The following DOCK6 variants were observed in gnomAD, a reference collection of about 807,000 sequenced individuals.
DOCK6 encodes the protein dedicator of cytokinesis protein 6.
A neutral mutation model predicts 230.3 loss-of-function variants in DOCK6; 167 were observed. The observed-to-expected ratio is 0.73, with a 90% CI of 0.64 to 0.82. DOCK6 has a LOEUF of 0.82. Among genes scored for constraint, DOCK6 ranks in the 40% least tolerant of loss-of-function variants. The pLI is 0.00. For synonymous variants in DOCK6, 1,148 were observed against 1,185.0 expected, an observed-to-expected ratio of 0.97 and a Z score of 0.64; for missense variants, 2,598 against 2,825.8, an observed-to-expected ratio of 0.92 and a Z score of 1.83.
rs2079397189 is a variant in DOCK6, at chr19:11,212,102, A to C, written c.4541T>G (p.Val1514Gly). Residue 1514 changes from valine (V) to glycine (G), a missense_variant, in exon 36 of 48, where the codon GTG (valine) becomes GGG (glycine). Val to Gly is a moderately radical substitution (Grantham distance 109, BLOSUM62 -3). Transcript: ENST00000294618. ...MQVTMSLSSL[V>G]GTTQNFSEEH... ...TTCACTGAAGTTCTGCGTCGTCCCC[A>C]CCAGGGACGAGAGAGACATGGTGAC... The C allele has an allele frequency of 6.2e-7, 1 of 1,612,006 alleles. No individual in the cohort carries two copies. The highest frequency in any genetic ancestry group is 8.5e-7 in the Non-Finnish European group (1 of 1,179,594).
Position 11,222,067 on chromosome 19 carries a change from A to T in DOCK6, c.3380+42T>A, listed in dbSNP as rs1401919702. On this transcript the variant is annotated intron_variant, in intron 27 of 47. Transcript: ENST00000294618. This position sits in a 1 kb window ranked among gnomAD's most constrained non-coding sequence, Gnocchi z 4.0. ...AGGACAGGGTGGACATGGCTCCTGG[A>T]CTGTCCCACCTGTCCTGGGGCTAGA... The T allele has an allele frequency of 6.2e-7, 1 of 1,607,118 alleles. No homozygotes were observed. The highest frequency in any genetic ancestry group is 2.2e-5 in the East Asian group (1 of 44,682).
At position 11,221,950 on chromosome 19, in the gene DOCK6, G is replaced by A. The variant is rs201867762; in HGVS notation, c.3451C>T (p.Arg1151Cys). 37 of 1,613,852 alleles carry A rather than the reference G, an allele frequency of 2.3e-5. No individual in the cohort carries two copies. The highest frequency in any genetic ancestry group is 8.8e-5 in the South Asian group (8 of 91,082). Reference sequence around the variant, plus strand: ...GCCTTCACAGTGGCCTCGGCGTAGCGGGGGTCAGTGTCATGGCCACATAGC... The same window carrying A: ...GCCTTCACAGTGGCCTCGGCGTAGCAGGGGTCAGTGTCATGGCCACATAGC... The part of the protein sequence containing the change: ...SLLCGHDTDP[R>C]YAEATVKARV... The change falls in exon 28 of 48, where the codon CGC (arginine) becomes TGC (cysteine). Residue 1151 changes from arginine to cysteine, a missense_variant. Transcript: ENST00000294618.
At position 11,232,862 on chromosome 19, in the gene DOCK6, G is replaced by A. The variant is rs532518699; in HGVS notation, c.2718+341C>T. On this transcript the variant is annotated intron_variant, in intron 22 of 47. Transcript: ENST00000294618. ...TGAATGTGTATATGCACCTGTGTAT[G>A]TATATGCATGGGGGGTGAATGTGTA... 2.1e-4 allele frequency among the ~76,000 whole-genome samples: 31 copies of A among 148,484 alleles called. 1 individual carries two copies. In the South Asian group the frequency reaches 5.8e-3, roughly 28 times the overall value.
intron 39 of DOCK6, 139 bp downstream of exon 39, chr19:11,208,547 G>A (rs1202410133): frequency 8.0e-7 from 1 of 1,247,698 alleles, no homozygotes; most frequent in African/African-American, 1.5e-5. Flanking sequence ...CCAAAGTGCT[G>A]GGGTTACAGG....
rs2147881387 is a variant in DOCK6, at chr19:11,253,711, C to T, written c.60G>A (p.Glu20=). ...GTTCCCGGGACACCTGCTTCCGCAC[C>T]TCTGCGGCCACCGTCCTGGAAAGAT... ...AHKINRTVAA[E]VRKQVSRERS... The change falls in exon 2 of 48, where the codon GAG becomes GAA. Residue 20 remains glutamate, a synonymous_variant. Coordinates refer to ENST00000294618, the MANE Select transcript of DOCK6 (RefSeq NM_020812.4). The T allele has an allele frequency of 1.4e-6, 2 of 1,473,868 alleles. No homozygotes were observed. The highest frequency in any genetic ancestry group is 3.0e-5 in the Admixed American group (1 of 33,048). The allele number at this position is 1,473,868 out of a possible 1,614,324, so 91.3% of individuals were successfully genotyped here.
In DOCK6 at chr19:11,232,139, T is replaced by C. The variant is rs1220872116; in HGVS notation, c.2718+1064A>G. The C allele has an allele frequency of 4.0e-6, 5 of 1,258,884 alleles. No homozygotes were observed. In the Admixed American group the frequency reaches 1.2e-4, roughly 30 times the overall value. The allele number at this position is 1,258,884 out of a possible 1,614,324, so 78.0% of individuals were successfully genotyped here. On this transcript the variant is annotated intron_variant, in intron 22 of 47. Transcript: ENST00000294618. ...CAGCCAGGAAGGTGGGAGGAGCTCATGCTGAGGTGGTGTCACATGAGTGCA... is the reference window on the plus strand; with the variant it reads ...CAGCCAGGAAGGTGGGAGGAGCTCACGCTGAGGTGGTGTCACATGAGTGCA...
intron 28 of DOCK6, 101 bp from the exon 29 acceptor site, chr19:11,217,492 C>T (rs2079511578): frequency 3.4e-6 from 5 of 1,457,140 alleles, no homozygotes; most frequent in Middle Eastern, 2.1e-4. Context: ...CACAGTGGCT[C>T]ACGCCTGTAA....
Position 11,213,227 on chromosome 19 carries a change from G to T in DOCK6, c.4440C>A (p.His1480Gln), listed in dbSNP as rs776069062. The T allele has an allele frequency of 6.2e-7, 1 of 1,613,100 alleles. No individual in the cohort carries two copies. Among genetic ancestry groups the T allele is most frequent in the Non-Finnish European group, 8.5e-7 (1 of 1,179,866 alleles). Residue 1480 changes from histidine to glutamine, a missense_variant, in exon 35 of 48, where the codon CAC (histidine) becomes CAA (glutamine). By Grantham distance (24) the His-to-Gln change is conservative. Transcript: ENST00000294618. ...TGAGCAGGTACAGCGAGGCGCTGGCGTGCGTGCGGATGGTGCTGATGCGGC... is the reference window on the plus strand; with the variant it reads ...TGAGCAGGTACAGCGAGGCGCTGGCTTGCGTGCGGATGGTGCTGATGCGGC... ...CGSRISTIRT[H>Q]ASASLYLLMR...
At chr19:11,216,114 G>A (rs2079482968) in intron 30 of DOCK6, 187 bp from the exon 31 acceptor site, 1 of 547,324 alleles carries the variant, frequency 1.8e-6, no homozygotes, top group Non-Finnish European at 3.0e-6. Flanking sequence ...TTGAAACAGA[G>A]TCTCTCTCAT....
rs200085841 is a variant in DOCK6, at chr19:11,252,988, A to G, written c.133-30T>C. ...ATTGGAGCAAAGTGGCTGTGATCGC[A>G]CTACCTAGGAGGCTGAGAGTGGGGG... is the stretch of plus-strand genomic sequence containing the variant. On this transcript the variant is annotated intron_variant, in intron 2 of 47. Coordinates refer to ENST00000294618, the MANE Select transcript of DOCK6 (RefSeq NM_020812.4). 2.2e-4 allele frequency: 351 copies of G among 1,579,388 alleles called. No homozygotes were observed. In the East Asian group the frequency reaches 7.0e-3, roughly 32 times the overall value.
chr19:11,207,351 C>T (rs1365499966), intron 39 of DOCK6, among the ~76,000 whole-genome samples: 1 of 152,020 alleles, frequency 6.6e-6, no homozygotes, highest in Non-Finnish European at 1.5e-5. Flanking sequence ...CATGCCACCA[C>T]ACCCAGCTAA....
chr19:11,202,858 T>C lies in DOCK6; in HGVS notation c.5236-149A>G, dbSNP rs557809528. On this transcript the variant is annotated intron_variant, in intron 41 of 47. Coordinates refer to ENST00000294618, the MANE Select transcript of DOCK6 (RefSeq NM_020812.4). This position sits in a 1 kb window ranked among gnomAD's most constrained non-coding sequence, Gnocchi z 5.3. The stretch of plus-strand genomic sequence containing the variant: ...GCACAGGCAGGGGGCCCTGAGAACA[T>C]TGGGGCATGGATTGCAATAGGAAGT... 68 of 1,302,700 alleles carry C rather than the reference T, an allele frequency of 5.2e-5. No individual in the cohort carries two copies. Among genetic ancestry groups the C allele is most frequent in the Admixed American group, 1.8e-4 (10 of 54,454 alleles). 80.7% of individuals were successfully genotyped at this position (1,302,700 alleles called of 1,614,324 possible).
rs202203299 is a variant in DOCK6, at chr19:11,245,922, G to A, written c.807-44C>T. 321 of 1,549,172 alleles carry A rather than the reference G, an allele frequency of 2.1e-4. 4 individuals carry two copies. The East Asian group carries it at 5.3e-3, about 25-fold the overall frequency. On this transcript the variant is annotated intron_variant, in intron 7 of 47. Coordinates refer to ENST00000294618, the MANE Select transcript of DOCK6 (RefSeq NM_020812.4). ...GAGGGGGCTCTCCTTAACACTTCCC[G>A]CTGTCCACACACCCCACTCCCTCTT...
rs561540328 is a variant in DOCK6, at chr19:11,259,918, C to T, written c.44+2479G>A. On this transcript the variant is annotated intron_variant, in intron 1 of 47. Coordinates refer to ENST00000294618, the MANE Select transcript of DOCK6 (RefSeq NM_020812.4). ...TTTTTTTTTGAGACAGAGTCTTACT[C>T]TGTCACCCAGGCTGGAGTGCAGTGG... is the stretch of plus-strand genomic sequence containing the variant. Among the ~76,000 whole-genome samples, 40 of 113,156 alleles carry T rather than the reference C, an allele frequency of 3.5e-4. 1 individual carries two copies. In the East Asian group the frequency reaches 8.5e-3, roughly 24 times the overall value. 74.2% of individuals were successfully genotyped at this position (113,156 alleles called of 152,430 possible).
chr19:11,246,233 A>C (rs1489025802), intron 7 of DOCK6, among the ~76,000 whole-genome samples: 1 of 151,224 alleles, frequency 6.6e-6, no homozygotes, highest in East Asian at 1.9e-4. Context: ...TGCCCAGCTA[A>C]TTTTTTGTGT....
At chr19:11,204,460 C>T (rs2147707327) in intron 39 of DOCK6, 129 bp from the exon 40 acceptor site, 3 of 1,288,524 alleles carry the variant, frequency 2.3e-6, no homozygotes, top group Non-Finnish European at 2.1e-6. Context: ...GGAAGCCCAC[C>T]CTGACCACCC....
intron 7 of DOCK6, 104 bp from the exon 8 acceptor site, chr19:11,245,982 G>T: frequency 7.6e-7 from 1 of 1,311,084 alleles, no homozygotes. Context: ...ACTCCCACTG[G>T]GCCACATGGA....
chr19:11,245,451 A>T, intron 9 of DOCK6, 112 bp downstream of exon 9: 2 of 1,202,372 alleles, frequency 1.7e-6, no homozygotes, highest in Non-Finnish European at 2.4e-6. Flanking sequence ...TGTTTCCCCC[A>T]CAACAGCCCT....
At chr19:11,260,896 G>GAAAAAAAAAAA (rs2080276084) in intron 1 of DOCK6, among the ~76,000 whole-genome samples, 5 of 50,584 alleles carry the variant, frequency 9.9e-5, no homozygotes, top group East Asian at 8.2e-4. Context: ...AAAAAAAAAA[G>GAAAAAAAAAAA]AAAGAAAGAA....
Sources: allele counts gnomAD v4.1 joint callset (sites outside exome capture counted in the v4.1 genomes callset), GRCh38; gene constraint gnomAD v4.1.1; non-coding constraint Gnocchi (gnomAD v3.1); transcripts MANE v1.5; gene names NCBI Gene and HGNC (gene_info 2026-07-23, HGNC 2026-07-21).